The following TAFA2 variants were observed in gnomAD, a reference collection of about 807,000 sequenced individuals.
TAFA2 encodes chemokine-like protein TAFA-2.
In TAFA2, 7 loss-of-function variants were observed where a neutral mutation model predicts 18.8. The observed-to-expected ratio is 0.37, with a 90% CI of 0.21 to 0.70. The LOEUF is 0.70. TAFA2 is among the 30% of genes least tolerant of loss of function. The pLI, the probability that TAFA2 is intolerant of heterozygous loss-of-function variation, is 0.53. For missense variants in TAFA2, 122 were observed against 158.1 expected, an observed-to-expected ratio of 0.77 and a Z score of 1.23; for synonymous variants, 60 against 54.2, an observed-to-expected ratio of 1.11 and a Z score of -0.47.
chr12:61,754,137 G>T (rs1869150208), intron 3 of TAFA2, among the ~76,000 whole-genome samples: 2 of 151,790 alleles, frequency 1.3e-5, no homozygotes, highest in Admixed American at 6.6e-5. Context: ...AAATATATAA[G>T]AAAATGGACC....
chr12:62,117,692 GTGATAGACACAGATAACC>G (rs1356098006), intron 1 of TAFA2, among the ~76,000 whole-genome samples: 5 of 151,930 alleles, frequency 3.3e-5, no homozygotes, highest in Non-Finnish European at 7.4e-5. Flanking sequence ...CCTTTTTTAT[GTGATAGACACAGATAACC>G]TGGGAATGAG....
intron 4 of TAFA2, among the ~76,000 whole-genome samples, chr12:61,724,044 A>T (rs970264812): frequency 6.6e-6 from 1 of 152,140 alleles, no homozygotes; most frequent in African/African-American, 2.4e-5. Flanking sequence ...TTGGTTCACC[A>T]TTGCCCCAAA....
At chr12:61,909,620 G>T (rs1469807891) in intron 1 of TAFA2, among the ~76,000 whole-genome samples, 2 of 152,182 alleles carry the variant, frequency 1.3e-5, no homozygotes, top group Non-Finnish European at 2.9e-5. Context: ...AGTCATGTGG[G>T]AAGGAACTAA....
chr12:61,816,554 G>A (rs1872094586), intron 2 of TAFA2, among the ~76,000 whole-genome samples: 1 of 151,192 alleles, frequency 6.6e-6, no homozygotes, highest in South Asian at 2.1e-4. Context: ...GGAATTGCTG[G>A]GTCAAATGGT....
At chr12:62,109,164 T>C (rs1288492773) in intron 1 of TAFA2, among the ~76,000 whole-genome samples, 1 of 152,200 alleles carries the variant, frequency 6.6e-6, no homozygotes, top group Non-Finnish European at 1.5e-5. Context: ...GTATAAGGTG[T>C]AAGGAAGGGG....
At chr12:62,157,350 C>A (rs2062377410) in intron 1 of TAFA2, among the ~76,000 whole-genome samples, 1 of 151,888 alleles carries the variant, frequency 6.6e-6, no homozygotes, top group South Asian at 2.1e-4. Context: ...AATTACAGTG[C>A]CCTATGAAGA....
chr12:61,742,021 C>T (rs1868477158), intron 4 of TAFA2, among the ~76,000 whole-genome samples: 1 of 152,118 alleles, frequency 6.6e-6, no homozygotes, highest in East Asian at 1.9e-4. Context: ...CTCAGCCTCC[C>T]GAGGCCGGGA....
chr12:61,760,315 C>T (rs192329282), intron 2 of TAFA2, among the ~76,000 whole-genome samples: 1 of 142,322 alleles, frequency 7.0e-6, no homozygotes, highest in African/African-American at 2.6e-5. Flanking sequence ...GATAGATAAT[C>T]TTGTGCTCAA....
At chr12:62,221,817 G>C (rs951684294) in intron 1 of TAFA2, among the ~76,000 whole-genome samples, 12 of 152,030 alleles carry the variant, frequency 7.9e-5, no homozygotes. Flanking sequence ...ATCAAGTTAA[G>C]ATTGAAAAAA....
Position 62,132,225 on chromosome 12 carries a change from T to C in TAFA2, c.-2+59034A>G, listed in dbSNP as rs1870716841. ...AAAAAGTTACCTTAATCTGGATTTT[T>C]CCCTCAGAAAGCACTTAACATGAAA... On this transcript the variant is annotated intron_variant, in intron 1 of 4. Transcript: ENST00000416284. Among the ~76,000 whole-genome samples, 3 of 151,886 alleles carry C rather than the reference T, an allele frequency of 2.0e-5. No homozygotes were observed. The South Asian group carries it at 6.2e-4, about 31-fold the overall frequency.
At chr12:61,778,001 C>A (rs1452218687) in intron 2 of TAFA2, among the ~76,000 whole-genome samples, 1 of 151,694 alleles carries the variant, frequency 6.6e-6, no homozygotes, top group Non-Finnish European at 1.5e-5. Context: ...ACTGGGAGCT[C>A]ATTCTTTAGG....
At chr12:61,992,215 T>C (rs1401490700) in intron 1 of TAFA2, among the ~76,000 whole-genome samples, 3 of 152,280 alleles carry the variant, frequency 2.0e-5, no homozygotes, top group Admixed American at 6.5e-5. Flanking sequence ...TAGAAGTCCA[T>C]AAAAACCTCA....
At chr12:62,255,042 A>C (rs890967537) in intron 1 of TAFA2, 1 of 152,368 alleles carries the variant, frequency 6.6e-6, no homozygotes, top group Non-Finnish European at 1.5e-5. Flanking sequence ...ATCCATGAGC[A>C]TAAAATAATT....
intron 1 of TAFA2, among the ~76,000 whole-genome samples, chr12:62,053,318 T>C (rs1882104142): frequency 6.6e-6 from 1 of 152,214 alleles, no homozygotes. Flanking sequence ...TCTAAATACA[T>C]ATATTTAATA....
At position 61,730,734 on chromosome 12, in the gene TAFA2, A is replaced by G. The variant is rs1260904985; in HGVS notation, c.385-20317T>C. ...GCATCACCCAACACCTACACAGTCAACAGGCCAGTCTCATTCCTGCCATGC... is the reference window on the plus strand; with the variant it reads ...GCATCACCCAACACCTACACAGTCAGCAGGCCAGTCTCATTCCTGCCATGC... On this transcript the variant is annotated intron_variant, in intron 4 of 4. Transcript: ENST00000416284. 2.0e-5 allele frequency among the ~76,000 whole-genome samples: 3 copies of G among 152,104 alleles called. No homozygotes were observed. In the East Asian group the frequency reaches 5.8e-4, roughly 29 times the overall value.
intron 1 of TAFA2, among the ~76,000 whole-genome samples, chr12:62,133,891 A>T (rs1870787957): frequency 6.6e-6 from 1 of 152,056 alleles, no homozygotes; most frequent in East Asian, 1.9e-4. Flanking sequence ...ACCCTAGGCA[A>T]ATAGCTTATC....
intron 1 of TAFA2, among the ~76,000 whole-genome samples, chr12:62,126,689 G>A (rs1870474613): frequency 6.6e-6 from 1 of 151,992 alleles, no homozygotes; most frequent in African/African-American, 2.4e-5. Context: ...AAGTATAAAC[G>A]ATGCAGTAAT....
At chr12:62,084,984 C>G (rs535500641) in intron 1 of TAFA2, among the ~76,000 whole-genome samples, 1 of 152,218 alleles carries the variant, frequency 6.6e-6, no homozygotes, top group South Asian at 2.1e-4. Flanking sequence ...TTGATACCTT[C>G]CTGAAGAACA....
chr12:61,721,598 G>C (rs1392616385), intron 4 of TAFA2, among the ~76,000 whole-genome samples: 2 of 152,236 alleles, frequency 1.3e-5, no homozygotes, highest in Admixed American at 6.5e-5. Flanking sequence ...TTAACAGTCA[G>C]AATGAGATTC....
Sources: gnomAD v4.1 joint callset for allele counts (sites outside exome capture counted in the v4.1 genomes callset) on GRCh38, gnomAD v4.1.1 for gene constraint, MANE v1.5 for transcripts, NCBI Gene and HGNC (gene_info 2026-07-23, HGNC 2026-07-21) for gene names.